DNAAF5: variants seen among roughly 807,000 people sequenced by gnomAD.
DNAAF5 encodes the protein dynein axonemal assembly factor 5.
A neutral mutation model predicts 75.8 loss-of-function variants in DNAAF5; 64 were observed. The ratio of observed to expected loss-of-function variants is 0.84; its 90% CI spans 0.69 to 1.04. The LOEUF is 1.04. DNAAF5 is among the 50% of genes least tolerant of loss of function. The probability of loss-of-function intolerance (pLI) is 0.00; values close to 1 mark genes in which losing one functional copy is unlikely to be tolerated. For missense variants in DNAAF5, 1,269 were observed against 1,178.5 expected (o/e 1.08, Z -1.12); for synonymous variants, 657 against 557.2 (o/e 1.18, Z -2.52).
intron 11 of DNAAF5, among the ~76,000 whole-genome samples, chr7:779,241 G>A (rs915187644): frequency 1.3e-5 from 2 of 152,144 alleles, no homozygotes; most frequent in African/African-American, 2.4e-5. Context: ...TGCCAGGCGC[G>A]GGCAGCCGCC....
At chr7:773,596 C>A (rs1778647416) in intron 9 of DNAAF5, among the ~76,000 whole-genome samples, 1 of 152,146 alleles carries the variant, frequency 6.6e-6, no homozygotes, top group South Asian at 2.1e-4. Flanking sequence ...ACTGTCCTTG[C>A]TGGACAGAGG....
rs1337745093 is a variant in DNAAF5 at position 726,742 on chromosome 7, G to C, written c.22G>C (p.Glu8Gln). Residue 8 changes from glutamate (E) to glutamine (Q), a missense_variant, in exon 1 of 13, where the codon GAG (glutamate) becomes CAG (glutamine). Transcript: ENST00000297440. MAALGVAEAVAAPHPAEG... is the reference protein window; with the variant it reads MAALGVAQAVAAPHPAEG... ...CAAGATGGCGGCGCTGGGGGTGGCGGAGGCCGTGGCGGCCCCACACCCGGC... is the reference window on the plus strand; with the variant it reads ...CAAGATGGCGGCGCTGGGGGTGGCGCAGGCCGTGGCGGCCCCACACCCGGC... 7.2e-6 allele frequency: 9 copies of C among 1,244,828 alleles called. No homozygotes were observed. The highest frequency in any genetic ancestry group is 6.2e-5 in the African/African-American group (4 of 64,396). The allele number at this position is 1,244,828 out of a possible 1,614,324, so 77.1% of individuals were successfully genotyped here.
At chr7:745,353 G>A (rs1447833144) in intron 4 of DNAAF5, among the ~76,000 whole-genome samples, 4 of 152,216 alleles carry the variant, frequency 2.6e-5, no homozygotes, top group Non-Finnish European at 2.9e-5. Context: ...GGGTCGGGGG[G>A]ACTGTTTCTG....
chr7:745,158 G>C (rs912369133), intron 4 of DNAAF5, among the ~76,000 whole-genome samples: 3 of 152,172 alleles, frequency 2.0e-5, no homozygotes, highest in African/African-American at 7.2e-5. Flanking sequence ...CTGCTCCTTA[G>C]AGAGGGTCCA....
intron 8 of DNAAF5, among the ~76,000 whole-genome samples, chr7:764,575 C>G (rs1003162015): frequency 1.3e-5 from 2 of 152,204 alleles, no homozygotes; most frequent in Non-Finnish European, 2.9e-5. Context: ...CCGGCCCTCC[C>G]GCTCCCGCCT....
chr7:766,670 C>CTAA (rs1554254677), intron 8 of DNAAF5, among the ~76,000 whole-genome samples: 3 of 151,866 alleles, frequency 2.0e-5, no homozygotes, highest in African/African-American at 7.3e-5. Flanking sequence ...TCTCAGCACT[C>CTAA]TGAGTCCATA....
At position 726,922 on chromosome 7, in the gene DNAAF5, G is replaced by A; in HGVS notation, c.202G>A (p.Ala68Thr). ...GCCAGGCCCTGCCGCCGACCCCACC[G>A]CTTTCCAGGGCCCCTGGGCGCGCCT... Reference protein sequence around the residue: ...EEPGPAADPTAFQGPWARLLL... With the variant: ...EEPGPAADPTTFQGPWARLLL... The change falls in exon 1 of 13, where the codon GCT becomes ACT. Residue 68 changes from alanine (A) to threonine (T), a missense_variant. Ala to Thr is a moderately conservative substitution (Grantham distance 58). Coordinates refer to ENST00000297440, the MANE Select transcript of DNAAF5 (RefSeq NM_017802.4). 1 of 1,345,936 alleles carries A rather than the reference G, an allele frequency of 7.4e-7. No homozygotes were observed. Among genetic ancestry groups the A allele is most frequent in the Non-Finnish European group, 9.6e-7 (1 of 1,046,246 alleles). The allele number at this position is 1,345,936 out of a possible 1,614,324, so 83.4% of individuals were successfully genotyped here. A position where few individuals can be genotyped will look rare whatever the true frequency, so the allele number is the denominator to read the frequency against.
chr7:730,689 C>A (rs1033245158), intron 2 of DNAAF5, among the ~76,000 whole-genome samples: 3 of 152,200 alleles, frequency 2.0e-5, no homozygotes, highest in African/African-American at 7.2e-5. Context: ...TCAGGACACC[C>A]CTGCTTTGCC....
chr7:742,179 A>G (rs992605911), intron 4 of DNAAF5, among the ~76,000 whole-genome samples: 26 of 152,232 alleles, frequency 1.7e-4, no homozygotes, highest in African/African-American at 6.0e-4. Flanking sequence ...AGTGTCTTCC[A>G]CTTGCACGCG....
Position 726,875 on chromosome 7 carries a change from C to A in DNAAF5, c.155C>A (p.Ala52Asp). The A allele has an allele frequency of 7.5e-7, 1 of 1,326,936 alleles. No homozygotes were observed. The highest frequency in any genetic ancestry group is 9.6e-7 in the Non-Finnish European group (1 of 1,040,744). 82.2% of individuals were successfully genotyped at this position (1,326,936 alleles called of 1,614,324 possible). Residue 52 changes from alanine to aspartate, a missense_variant, in exon 1 of 13, where the codon GCC becomes GAC. Ala to Asp is a moderately radical substitution (Grantham distance 126). Coordinates refer to ENST00000297440, the MANE Select transcript of DNAAF5 (RefSeq NM_017802.4). ...CCGGGCCGGCGGCGCGCCTTGGAGG[C>A]CCTGCGGCGCGCGCTGGAGGAGCCA... ...SKPGRRRALE[A>D]LRRALEEPGP...
chr7:785,811 A>G lies in DNAAF5; in HGVS notation c.*158A>G. The G allele has an allele frequency of 2.7e-6, 2 of 746,248 alleles. No individual in the cohort carries two copies. Among genetic ancestry groups the G allele is most frequent in the East Asian group, 2.8e-5 (1 of 35,928 alleles). 46.2% of individuals were successfully genotyped at this position (746,248 alleles called of 1,614,324 possible). ...CTGCCCACTCTTTCCCTGGAATAAC[A>G]GCCTCTGAGTGGATTCTGCATGTTA... On this transcript the variant is annotated 3_prime_UTR_variant, in exon 13 of 13. Coordinates refer to ENST00000297440, the MANE Select transcript of DNAAF5 (RefSeq NM_017802.4).
intron 5 of DNAAF5, 52 bp from the exon 6 acceptor site, chr7:756,730 G>A (rs1218326748): frequency 9.5e-6 from 15 of 1,575,534 alleles, no homozygotes; most frequent in Middle Eastern, 1.7e-4. Context: ...GCAGGAGCCC[G>A]GCTGAGACCC....
chr7:751,732 C>T (rs1782302122), intron 4 of DNAAF5, among the ~76,000 whole-genome samples: 1 of 151,988 alleles, frequency 6.6e-6, no homozygotes, highest in Admixed American at 6.6e-5. Context: ...GCCAGCACGA[C>T]CGGCTTATTT....
intron 11 of DNAAF5, among the ~76,000 whole-genome samples, chr7:777,809 C>G (rs1778812315): frequency 6.6e-6 from 1 of 152,120 alleles, no homozygotes; most frequent in Admixed American, 6.6e-5. Flanking sequence ...TGGAATTCCT[C>G]AAGATCACGA....
intron 8 of DNAAF5, among the ~76,000 whole-genome samples, chr7:764,303 G>A (rs914344213): frequency 2.0e-5 from 3 of 152,202 alleles, no homozygotes; most frequent in Non-Finnish European, 4.4e-5. Flanking sequence ...ATGTCTAGCC[G>A]CATGGGTGCT....
intron 6 of DNAAF5, among the ~76,000 whole-genome samples, chr7:760,806 C>T (rs1480665014): frequency 1.3e-5 from 2 of 152,196 alleles, no homozygotes; most frequent in African/African-American, 4.8e-5. Flanking sequence ...ATTCATCCAG[C>T]GCAGCCGTAG....
chr7:741,242 C>A, intron 3 of DNAAF5, 105 bp from the exon 4 acceptor site: 1 of 844,606 alleles, frequency 1.2e-6, no homozygotes, highest in Non-Finnish European at 1.9e-6. Context: ...GAGCTTCCCG[C>A]TCTCACGCAA....
At chr7:753,138 G>A (rs1447870358) in intron 4 of DNAAF5, among the ~76,000 whole-genome samples, 7 of 152,296 alleles carry the variant, frequency 4.6e-5, no homozygotes, top group South Asian at 2.1e-4. Context: ...ACAGTTAAAC[G>A]TGCACCTTCC....
rs1782652754 is a variant in DNAAF5, at chr7:761,779, G to A, written c.1497G>A (p.Leu499=). Residue 499 remains leucine (L), a synonymous_variant, in exon 7 of 13, where the codon CTG becomes CTA. Transcript: ENST00000297440. ...ENDLYLERLL[L]CVQALVSVCH... is the part of the protein sequence containing the mutation. ...ACCTCTACCTGGAGCGCCTGCTGCT[G>A]TGTGTGCAGGCTCTGGTGTCTGTGT... The A allele has an allele frequency of 1.9e-6, 3 of 1,608,630 alleles. No homozygotes were observed. Among genetic ancestry groups the A allele is most frequent in the South Asian group, 1.1e-5 (1 of 89,768 alleles).
Sources: gnomAD v4.1 joint callset for allele counts (sites outside exome capture counted in the v4.1 genomes callset) on GRCh38, gnomAD v4.1.1 for gene constraint, MANE v1.5 for transcripts, NCBI Gene and HGNC (gene_info 2026-07-23, HGNC 2026-07-21) for gene names.